SLC9B1: variants seen among roughly 807,000 people sequenced by gnomAD.
SLC9B1 encodes sodium/hydrogen exchanger 9B1.
Under a neutral mutation model 51.7 loss-of-function variants are expected in SLC9B1, and 32 were observed. That is an observed-to-expected ratio of 0.62 (90% CI 0.47 to 0.83). The LOEUF (loss-of-function observed/expected upper bound fraction) is 0.83, where lower values mean the gene tolerates loss of function less well. Ranked by LOEUF, SLC9B1 falls within the 40% of genes least tolerant of loss-of-function variation. The probability of loss-of-function intolerance (pLI) is 0.00; values close to 1 mark genes in which losing one functional copy is unlikely to be tolerated. For synonymous variants in SLC9B1, 145 were observed against 212.7 expected (o/e 0.68, Z 2.77); for missense variants, 406 against 613.2 (o/e 0.66, Z 3.57).
downstream of SLC9B1, chr4:102,898,131 G>C: frequency 2.0e-6 from 1 of 499,268 alleles, no homozygotes; most frequent in Non-Finnish European, 3.9e-6. Context: ...TGAATCTCCA[G>C]AGCCTCGCTG....
At chr4:102,902,642 T>C (rs1446084695) in intron 11 of SLC9B1, among the ~76,000 whole-genome samples, 1 of 152,218 alleles carries the variant, frequency 6.6e-6, no homozygotes, top group Non-Finnish European at 1.5e-5. Context: ...GCAGGTATCA[T>C]TCTTAAAGCT....
chr4:102,977,672 G>A (rs1338925433), intron 3 of SLC9B1, among the ~76,000 whole-genome samples: 1 of 152,060 alleles, frequency 6.6e-6, no homozygotes, highest in Non-Finnish European at 1.5e-5. Context: ...AAAATTTCTT[G>A]TCCCTAATAA....
chr4:102,944,424 G>T (rs1737168938), intron 6 of SLC9B1, among the ~76,000 whole-genome samples: 1 of 152,148 alleles, frequency 6.6e-6, no homozygotes, highest in South Asian at 2.1e-4. Flanking sequence ...GTCACTTTGG[G>T]TAGAGTTATG....
intron 1 of SLC9B1, among the ~76,000 whole-genome samples, chr4:102,999,518 G>T (rs1359437760): frequency 6.6e-6 from 1 of 151,906 alleles, no homozygotes; most frequent in South Asian, 2.1e-4. Context: ...TTCTATCTTG[G>T]CTTAAGGTCA....
rs781083467 is a variant in SLC9B1 at position 103,018,496 on chromosome 4, G to A, written c.-2+1103C>T. 8.7e-4 allele frequency among the ~76,000 whole-genome samples: 132 copies of A among 152,302 alleles called. 2 individuals carry two copies. The highest frequency in any genetic ancestry group is 1.7e-3 in the Non-Finnish European group (115 of 68,008). ...AAATATTTGGGGCATGAATTCTCTA[G>A]GGGTGACAATAATAAGTGTCATTTT... On this transcript the variant is annotated intron_variant, in intron 1 of 11. Coordinates refer to ENST00000296422, the MANE Select transcript of SLC9B1 (RefSeq NM_139173.4).
At chr4:102,928,312 G>A (rs1271086454) in intron 7 of SLC9B1, among the ~76,000 whole-genome samples, 1 of 152,132 alleles carries the variant, frequency 6.6e-6, no homozygotes, top group Non-Finnish European at 1.5e-5. Context: ...CTAGGGCAGG[G>A]GCAAAATGCC....
intron 7 of SLC9B1, among the ~76,000 whole-genome samples, chr4:102,929,818 G>A (rs78081510): frequency 2.0e-5 from 3 of 152,064 alleles, no homozygotes; most frequent in Admixed American, 1.3e-4. Context: ...CATTGGGCCC[G>A]GCCTGGAAAT....
intron 3 of SLC9B1, among the ~76,000 whole-genome samples, chr4:102,954,891 C>A (rs1381110817): frequency 6.6e-6 from 1 of 152,044 alleles, no homozygotes; most frequent in African/African-American, 2.4e-5. Flanking sequence ...AAAAGGTTGG[C>A]AATTTATTTC....
downstream of SLC9B1, chr4:102,898,269 T>C (rs1206705337): frequency 2.1e-6 from 1 of 486,416 alleles, no homozygotes; most frequent in African/African-American, 2.0e-5. Context: ...AGAAAGAAAC[T>C]TGCGCATCAC....
At chr4:102,897,459 G>T (rs185173903), downstream of SLC9B1, 1 of 185,078 alleles carries the variant, frequency 5.4e-6, no homozygotes, top group Admixed American at 5.9e-5. Flanking sequence ...GCAATGAAGA[G>T]CACCAGGCTC....
chr4:102,989,993 A>T, intron 2 of SLC9B1, 52 bp from the exon 3 acceptor site: 1 of 1,452,194 alleles, frequency 6.9e-7, no homozygotes, highest in Non-Finnish European at 9.3e-7. Flanking sequence ...GTATAATTTT[A>T]TGAATGAAAT....
At chr4:102,941,388 G>C (rs2110468611) in intron 6 of SLC9B1, 1 of 443,484 alleles carries the variant, frequency 2.3e-6, no homozygotes, top group South Asian at 1.6e-5. Context: ...CAAGTATATG[G>C]AAAAATATTC....
chr4:102,925,101 C>T (rs1389008715), intron 7 of SLC9B1, among the ~76,000 whole-genome samples: 1 of 152,170 alleles, frequency 6.6e-6, no homozygotes, highest in African/African-American at 2.4e-5. Flanking sequence ...AAGACACATG[C>T]ACACGTATGT....
At chr4:102,915,929 C>T (rs947506297) in intron 7 of SLC9B1, among the ~76,000 whole-genome samples, 4 of 151,838 alleles carry the variant, frequency 2.6e-5, no homozygotes, top group Non-Finnish European at 5.9e-5. Flanking sequence ...AAAAGACCTA[C>T]AGAAGATACA....
intron 3 of SLC9B1, among the ~76,000 whole-genome samples, chr4:102,988,903 C>G (rs1358247933): frequency 6.6e-6 from 1 of 152,068 alleles, no homozygotes; most frequent in Non-Finnish European, 1.5e-5. Flanking sequence ...ACATTTCCCT[C>G]TCTTCCACAG....
At chr4:102,958,214 G>C (rs1327203400) in intron 3 of SLC9B1, among the ~76,000 whole-genome samples, 1 of 152,142 alleles carries the variant, frequency 6.6e-6, no homozygotes, top group Non-Finnish European at 1.5e-5. Flanking sequence ...CATCCTCTTG[G>C]TGCTGTCCTT....
intron 7 of SLC9B1, among the ~76,000 whole-genome samples, chr4:102,920,275 G>A (rs773008572): frequency 2.6e-5 from 4 of 152,208 alleles, no homozygotes; most frequent in Non-Finnish European, 5.9e-5. Flanking sequence ...AGGGTCTGGA[G>A]TGGAACTCCA....
intron 1 of SLC9B1, among the ~76,000 whole-genome samples, chr4:103,007,556 T>G (rs1402145294): frequency 1.3e-5 from 2 of 151,674 alleles, no homozygotes; most frequent in Non-Finnish European, 2.9e-5. Flanking sequence ...ATATACTGGT[T>G]GTATGATCTT....
chr4:102,944,565 A>T (rs1737174567), intron 6 of SLC9B1, among the ~76,000 whole-genome samples: 1 of 152,262 alleles, frequency 6.6e-6, no homozygotes, highest in Non-Finnish European at 1.5e-5. Flanking sequence ...ATTTTGTAGT[A>T]ACTATGTAAT....
Sources: allele counts gnomAD v4.1 joint callset (sites outside exome capture counted in the v4.1 genomes callset), GRCh38; gene constraint gnomAD v4.1.1; transcripts MANE v1.5; gene names NCBI Gene and HGNC (gene_info 2026-07-23, HGNC 2026-07-21).